DOK6: variants seen among roughly 807,000 people sequenced by gnomAD.
DOK6 encodes docking protein 6.
Under a neutral mutation model 44.0 loss-of-function variants are expected in DOK6, and 22 were observed. The ratio of observed to expected loss-of-function variants is 0.50; its 90% CI spans 0.36 to 0.71. The LOEUF (loss-of-function observed/expected upper bound fraction) is 0.71, where lower values mean the gene tolerates loss of function less well. DOK6 is among the 30% of genes least tolerant of loss of function. The pLI is 0.00. For missense variants in DOK6, 340 were observed against 416.4 expected (o/e 0.82, Z 1.60); for synonymous variants, 166 against 145.5 (o/e 1.14, Z -1.01).
intron 5 of DOK6, among the ~76,000 whole-genome samples, chr18:69,732,100 TC>T (rs1322521536): frequency 1.3e-5 from 2 of 152,346 alleles, no homozygotes; most frequent in Admixed American, 6.5e-5. Flanking sequence ...TGCTTTTTTT[TC>T]CTATCAGAAA....
intron 2 of DOK6, among the ~76,000 whole-genome samples, chr18:69,586,750 G>A (rs73455867): frequency 0.035 from 5,361 of 152,080 alleles, 88 homozygotes; most frequent in South Asian, 0.055. Flanking sequence ...GCTTAGCTGC[G>A]TTTTCCCTGC....
chr18:69,749,350 C>T (rs1020719545), intron 6 of DOK6, among the ~76,000 whole-genome samples: 2 of 152,038 alleles, frequency 1.3e-5, no homozygotes, highest in South Asian at 4.1e-4. Context: ...TTTCTGAGTG[C>T]CAGCTTTTAA....
intron 3 of DOK6, among the ~76,000 whole-genome samples, chr18:69,629,058 G>C (rs1165558153): frequency 2.0e-5 from 3 of 152,210 alleles, no homozygotes; most frequent in Admixed American, 6.5e-5. Context: ...TAGTCACAAA[G>C]GCTGAAATGT....
intron 3 of DOK6, among the ~76,000 whole-genome samples, chr18:69,625,309 A>C (rs1984533095): frequency 6.6e-6 from 1 of 152,106 alleles, no homozygotes; most frequent in African/African-American, 2.4e-5. Context: ...GCCAGAGAGT[A>C]ATTTGTTATA....
intron 3 of DOK6, chr18:69,662,218 GATCC>G: frequency 6.6e-6 from 1 of 152,378 alleles, no homozygotes; most frequent in Admixed American, 6.5e-5. Context: ...AATCTCAGCT[GATCC>G]ACCTGCCCTG....
chr18:69,569,993 G>C (rs1983075197), intron 2 of DOK6, among the ~76,000 whole-genome samples: 1 of 151,790 alleles, frequency 6.6e-6, no homozygotes, highest in South Asian at 2.1e-4. Context: ...TAAATAATGA[G>C]AACATATGGA....
At chr18:69,477,124 T>C (rs1170239066) in intron 1 of DOK6, among the ~76,000 whole-genome samples, 1 of 152,240 alleles carries the variant, frequency 6.6e-6, no homozygotes, top group Admixed American at 6.5e-5. Flanking sequence ...CTGCGTATTG[T>C]TGTGTGCTTT....
chr18:69,548,816 G>A (rs1018503658), intron 1 of DOK6, among the ~76,000 whole-genome samples: 2 of 151,258 alleles, frequency 1.3e-5, no homozygotes, highest in Admixed American at 6.6e-5. Flanking sequence ...TACCTTGGCC[G>A]GGCGCGGTGG....
chr18:69,672,011 G>C (rs554291173), intron 3 of DOK6, among the ~76,000 whole-genome samples: 27 of 152,258 alleles, frequency 1.8e-4, no homozygotes, highest in Middle Eastern at 3.4e-3. Flanking sequence ...CTGATATTTA[G>C]GGGCTATGAT....
intron 7 of DOK6, among the ~76,000 whole-genome samples, chr18:69,786,862 G>A (rs1254849787): frequency 2.6e-5 from 4 of 152,212 alleles, no homozygotes; most frequent in Non-Finnish European, 5.9e-5. Flanking sequence ...GGTCAAAAGT[G>A]ATTAAGTACC....
At chr18:69,548,479 A>G (rs1982470794) in intron 1 of DOK6, among the ~76,000 whole-genome samples, 1 of 151,604 alleles carries the variant, frequency 6.6e-6, no homozygotes, top group South Asian at 2.1e-4. Context: ...CAGGCTGTGA[A>G]CCATATCCTG....
chr18:69,756,788 C>T (rs1367252351), intron 6 of DOK6, among the ~76,000 whole-genome samples: 2 of 152,112 alleles, frequency 1.3e-5, no homozygotes, highest in South Asian at 2.1e-4. Flanking sequence ...CAGAAAGGCA[C>T]GCAAAGCCTA....
At chr18:69,631,950 G>A (rs1298181653) in intron 3 of DOK6, among the ~76,000 whole-genome samples, 1 of 152,108 alleles carries the variant, frequency 6.6e-6, no homozygotes, top group Non-Finnish European at 1.5e-5. Flanking sequence ...TTGGTTATGT[G>A]ACTAAATTTT....
intron 1 of DOK6, among the ~76,000 whole-genome samples, chr18:69,477,080 A>G (rs8084070): frequency 0.43 from 65,812 of 152,094 alleles, 14,963 homozygotes; most frequent in Middle Eastern, 0.55. Context: ...TAAAAATAGT[A>G]TCATTTTTAA....
intron 7 of DOK6, among the ~76,000 whole-genome samples, chr18:69,816,248 C>A (rs1461266588): frequency 1.3e-5 from 2 of 152,190 alleles, no homozygotes; most frequent in Non-Finnish European, 2.9e-5. Context: ...TTGCCAGGCC[C>A]CTTTCCAAAT....
At chr18:69,565,933 T>G (rs559351182) in intron 2 of DOK6, among the ~76,000 whole-genome samples, 2 of 152,296 alleles carry the variant, frequency 1.3e-5, no homozygotes, top group South Asian at 4.1e-4. Flanking sequence ...GGCAATAAAG[T>G]GAAACCTAAC....
rs1039591760 is a variant in DOK6, at chr18:69,499,324, T to C, written c.67-65163T>C. Among the ~76,000 whole-genome samples the C allele has an allele frequency of 8.6e-5, 13 of 152,026 alleles. No homozygotes were observed. The South Asian group carries it at 2.3e-3, about 27-fold the overall frequency. ...TAAAATAATTTTTTATCCTGAAAAA[T>C]AGAAAACTGTTTTTAACTCTTGAGT... is the stretch of plus-strand genomic sequence containing the variant. On this transcript the variant is annotated intron_variant, in intron 1 of 7. Transcript: ENST00000382713.
Position 69,760,382 on chromosome 18 carries a change from G to T in DOK6, c.856+2509G>T, listed in dbSNP as rs561994051. On this transcript the variant is annotated intron_variant, in intron 7 of 7. Coordinates refer to ENST00000382713, the MANE Select transcript of DOK6 (RefSeq NM_152721.6). ...GCGGTGGCTCATCCCTGTAATCCCA[G>T]CACTTTGAGAGTTTGATTTTTTTTT... is the stretch of plus-strand genomic sequence containing the variant. Among the ~76,000 whole-genome samples, 72 of 152,246 alleles carry T rather than the reference G, an allele frequency of 4.7e-4. No individual in the cohort carries two copies. In the South Asian group the frequency reaches 0.014, roughly 29 times the overall value.
intron 1 of DOK6, among the ~76,000 whole-genome samples, chr18:69,409,949 A>G (rs1978299212): frequency 6.6e-6 from 1 of 152,212 alleles, no homozygotes; most frequent in Non-Finnish European, 1.5e-5. Context: ...TTCTGTAGAA[A>G]GCATCCATGT....
Sources: allele counts gnomAD v4.1 joint callset (sites outside exome capture counted in the v4.1 genomes callset), GRCh38; gene constraint gnomAD v4.1.1; transcripts MANE v1.5; gene names NCBI Gene and HGNC (gene_info 2026-07-23, HGNC 2026-07-21).